The following SCML2 variants were observed in gnomAD, a reference collection of about 807,000 sequenced individuals.
SCML2 encodes Scm polycomb group protein like 2, also known as sex comb on midleg-like protein 2.
Under a neutral mutation model 48.4 loss-of-function variants are expected in SCML2, and 6 were observed. That is an observed-to-expected ratio of 0.12 (90% CI 0.07 to 0.24). The LOEUF (loss-of-function observed/expected upper bound fraction) is 0.24. SCML2 is among the 10% of genes least tolerant of loss of function. SCML2 has a pLI of 1.00. For missense variants in SCML2, 377 were observed against 528.2 expected (o/e 0.71, Z 2.81); for synonymous variants, 181 against 189.5 (o/e 0.95, Z 0.37).
chrX:18,250,321 T>C (rs1462720967), intron 11 of SCML2, among the ~76,000 whole-genome samples: 5 of 111,610 alleles, frequency 4.5e-5, no homozygotes, highest in Non-Finnish European at 1.9e-5. Flanking sequence ...CAAATGATTC[T>C]TGTGCCTCAG....
At chrX:18,305,429 A>G (rs1928726636) in intron 6 of SCML2, among the ~76,000 whole-genome samples, 1 of 111,597 alleles carries the variant, frequency 9.0e-6, no homozygotes, top group Admixed American at 9.6e-5. Flanking sequence ...CAGAGTCAAG[A>G]ACCTGGAAAG....
chrX:18,255,768 C>T (rs896171832), intron 11 of SCML2, among the ~76,000 whole-genome samples: 1 of 112,890 alleles, frequency 8.9e-6, no homozygotes, highest in African/African-American at 3.2e-5. Flanking sequence ...CCACGCTTCA[C>T]ACTTGAGTGG....
At chrX:18,287,174 C>T (rs994763124) in intron 7 of SCML2, among the ~76,000 whole-genome samples, 1 of 111,798 alleles carries the variant, frequency 8.9e-6, no homozygotes, top group Non-Finnish European at 1.9e-5. Context: ...AAAAGCAATT[C>T]CGACACAAAA....
chrX:18,258,858 G>A (rs967227580), intron 9 of SCML2, among the ~76,000 whole-genome samples: 3 of 111,305 alleles, frequency 2.7e-5, no homozygotes, highest in Non-Finnish European at 5.7e-5. Context: ...TCTTTCCTTA[G>A]TATAATAAAA....
At chrX:18,330,775 T>C (rs1441657655) in intron 2 of SCML2, 120 bp from the exon 3 acceptor site, 1 of 415,544 alleles carries the variant, frequency 2.4e-6, no homozygotes, top group Non-Finnish European at 4.1e-6. Flanking sequence ...ATCTTCATTT[T>C]CTATGTAGGA....
rs1926220721 is a variant in SCML2 at position 18,240,387 on chromosome X, T to G, written c.*864A>C. ...ACATACAATATATATCTTCAAAAAT[T>G]TTGGACACAGGTATCTTCATATAGA... On this transcript the variant is annotated 3_prime_UTR_variant, in exon 15 of 15. Coordinates refer to ENST00000251900, the MANE Select transcript of SCML2 (RefSeq NM_006089.3). 8.9e-6 allele frequency: 1 copy of G among 111,949 alleles called. No individual in the cohort carries two copies. Among genetic ancestry groups the G allele is most frequent in the African/African-American group, 3.3e-5 (1 of 30,761 alleles). 9.2% of individuals were successfully genotyped at this position (111,949 alleles called of 1,213,427 possible).
chrX:18,320,417 T>C lies in SCML2; in HGVS notation c.401A>G (p.Tyr134Cys). The C allele has an allele frequency of 9.1e-7, 1 of 1,098,919 alleles. No individual in the cohort carries two copies. Among genetic ancestry groups the C allele is most frequent in the Non-Finnish European group, 1.2e-6 (1 of 814,597 alleles). The allele number at this position is 1,098,919 out of a possible 1,213,427, so 90.6% of individuals were successfully genotyped here. A position where few individuals can be genotyped will look rare whatever the true frequency, so the allele number is the denominator to read the frequency against. ...CGGCCAGGAGGATGTATTCATCTGG[T>C]ACCCTGTTTTATAAAATAAATTAGG... ...EGDLLQPPLG[Y>C]QMNTSSWPMF... The change falls in exon 6 of 15, where the codon TAC (tyrosine) becomes TGC (cysteine). Residue 134 changes from tyrosine (Y) to cysteine (C), a missense_variant. Coordinates refer to ENST00000251900, the MANE Select transcript of SCML2 (RefSeq NM_006089.3).
chrX:18,321,543 T>A (rs907485285), intron 5 of SCML2, among the ~76,000 whole-genome samples: 2 of 93,022 alleles, frequency 2.2e-5, no homozygotes, highest in Non-Finnish European at 4.1e-5. Flanking sequence ...TGGAAAGTCA[T>A]CCTCTAATAA....
intron 3 of SCML2, among the ~76,000 whole-genome samples, chrX:18,326,535 C>T (rs944833893): frequency 5.4e-5 from 6 of 110,228 alleles, no homozygotes; most frequent in African/African-American, 2.0e-4. Flanking sequence ...AAAAATTAGC[C>T]GGATGTGGTG....
Position 18,256,867 on chromosome X carries a change from C to G in SCML2, c.1437G>C (p.Glu479Asp). 8.4e-7 allele frequency: 1 copy of G among 1,186,977 alleles called. No homozygotes were observed. Among genetic ancestry groups the G allele is most frequent in the African/African-American group, 1.8e-5 (1 of 56,461 alleles). ...SSRGHTHSSA[E>D]HDKNQSAKED... Reference sequence around the variant, plus strand: ...TCTCACCTGACTGATTTTTATCATGCTCTGCAGAGCTGTGAGTATGACCCC... The same window carrying G: ...TCTCACCTGACTGATTTTTATCATGGTCTGCAGAGCTGTGAGTATGACCCC... Residue 479 changes from glutamate to aspartate, a missense_variant, in exon 11 of 15, where the codon GAG (glutamate) becomes GAC (aspartate). Physicochemically the swap from Glu to Asp is conservative, Grantham distance 45. Coordinates refer to ENST00000251900, the MANE Select transcript of SCML2 (RefSeq NM_006089.3).
Position 18,294,398 on chromosome X carries a change from T to C in SCML2, c.730+10574A>G, listed in dbSNP as rs758213691. 1.2e-4 allele frequency among the ~76,000 whole-genome samples: 13 copies of C among 110,095 alleles called. No homozygotes were observed. In the East Asian group the frequency reaches 3.2e-3, roughly 27 times the overall value. ...GTGAGGGGAAAGGGTAAGTGAGAGA[T>C]CCACAGTGGTCAATATTCCCACCAT... is the stretch of plus-strand genomic sequence containing the variant. On this transcript the variant is annotated intron_variant, in intron 7 of 14. Transcript: ENST00000251900.
chrX:18,290,237 T>C (rs1035928908), intron 7 of SCML2, among the ~76,000 whole-genome samples: 10 of 111,927 alleles, frequency 8.9e-5, no homozygotes, highest in African/African-American at 2.9e-4. Context: ...AAGCTGTATC[T>C]GTGAGATGTA....
At chrX:18,259,178 A>T (rs1201454378) in intron 9 of SCML2, among the ~76,000 whole-genome samples, 1 of 109,086 alleles carries the variant, frequency 9.2e-6, no homozygotes, top group Non-Finnish European at 1.9e-5. Context: ...CAGAAGAATC[A>T]CTTGAACCCG....
At chrX:18,268,876 A>G (rs1042585427) in intron 7 of SCML2, among the ~76,000 whole-genome samples, 1 of 110,876 alleles carries the variant, frequency 9.0e-6, no homozygotes, top group South Asian at 3.8e-4. Context: ...TTTGGTTTCA[A>G]TTATCTCTTC....
chrX:18,268,477 C>T (rs1254496050), intron 7 of SCML2, among the ~76,000 whole-genome samples: 1 of 108,187 alleles, frequency 9.2e-6, no homozygotes, highest in African/African-American at 3.4e-5. Context: ...TGCAATGAGC[C>T]GAGAATGCAC....
At chrX:18,325,796 A>C (rs1392021658) in intron 3 of SCML2, among the ~76,000 whole-genome samples, 1 of 112,038 alleles carries the variant, frequency 8.9e-6, no homozygotes, top group Non-Finnish European at 1.9e-5. Context: ...TTTAATTCTC[A>C]TCATTCATGA....
intron 1 of SCML2, 62 bp downstream of exon 1, chrX:18,354,530 G>C: frequency 4.1e-6 from 1 of 240,967 alleles, no homozygotes; most frequent in Non-Finnish European, 7.5e-6. Flanking sequence ...ACGGACAACG[G>C]TCGGGGTCCG....
chrX:18,253,075 A>G (rs1394660242), intron 11 of SCML2, among the ~76,000 whole-genome samples: 4 of 112,086 alleles, frequency 3.6e-5, no homozygotes, highest in Admixed American at 9.5e-5. Context: ...GAAGAAGGCT[A>G]AAGAGCTGAG....
intron 6 of SCML2, among the ~76,000 whole-genome samples, chrX:18,312,602 G>A (rs112737223): frequency 0.092 from 10,099 of 109,989 alleles, 503 homozygotes; most frequent in Middle Eastern, 0.17. Flanking sequence ...CGAGGATATG[G>A]AAAGCTGACT....
Sources: gnomAD v4.1 joint callset for allele counts (sites outside exome capture counted in the v4.1 genomes callset) on GRCh38, gnomAD v4.1.1 for gene constraint, MANE v1.5 for transcripts, NCBI Gene and HGNC (gene_info 2026-07-23, HGNC 2026-07-21) for gene names.